CD300LF: variants seen among roughly 807,000 people sequenced by gnomAD.
The protein encoded by CD300LF is CD300 molecule like family member f, also known as CMRF35-like molecule 1.
CD300LF carries 27 observed loss-of-function variants against 32.2 expected under a neutral mutation model. The ratio of observed to expected loss-of-function variants is 0.84; its 90% CI spans 0.62 to 1.15. The LOEUF (loss-of-function observed/expected upper bound fraction) is 1.15. CD300LF is among the 50% of genes most tolerant of loss of function. CD300LF has a pLI of 0.00. For missense variants in CD300LF, 348 were observed against 356.8 expected, an observed-to-expected ratio of 0.98 and a Z score of 0.20; for synonymous variants, 139 against 143.2, an observed-to-expected ratio of 0.97 and a Z score of 0.21.
intron 3 of CD300LF, among the ~76,000 whole-genome samples, chr17:74,698,887 A>T (rs1302599317): frequency 6.6e-6 from 1 of 152,166 alleles, no homozygotes; most frequent in Non-Finnish European, 1.5e-5. Context: ...AAATTTAAGA[A>T]TTTTAACAAA....
At chr17:74,700,634 C>A (rs770212217) in intron 3 of CD300LF, among the ~76,000 whole-genome samples, 2 of 152,022 alleles carry the variant, frequency 1.3e-5, no homozygotes, top group Non-Finnish European at 2.9e-5. Context: ...CCTGGCTACT[C>A]CCAGCTGCTT....
chr17:74,700,797 T>A (rs528252193), intron 3 of CD300LF, among the ~76,000 whole-genome samples: 9 of 152,236 alleles, frequency 5.9e-5, no homozygotes, highest in Non-Finnish European at 1.0e-4. Context: ...TGGGCTGGAT[T>A]GTACACCACC....
rs1394110823 is a variant in CD300LF at position 74,701,381 on chromosome 17, T to C, written c.446+1654A>G. Among the ~76,000 whole-genome samples the C allele has an allele frequency of 5.9e-5, 9 of 152,196 alleles. No homozygotes were observed. The East Asian group carries it at 1.7e-3, about 29-fold the overall frequency. ...AGAGTGAGTGCTCAAGAGTTATGTG[T>C]TAAATAAATGAGTGAACAAACCATC... is the stretch of plus-strand genomic sequence containing the variant. On this transcript the variant is annotated intron_variant, in intron 3 of 6. Coordinates refer to ENST00000326165, the MANE Select transcript of CD300LF (RefSeq NM_139018.5).
At chr17:74,710,284 T>C (rs915509537) in intron 1 of CD300LF, among the ~76,000 whole-genome samples, 1 of 152,080 alleles carries the variant, frequency 6.6e-6, no homozygotes, top group African/African-American at 2.4e-5. Context: ...CTGGAAATTC[T>C]AATCAATATA....
intron 3 of CD300LF, among the ~76,000 whole-genome samples, chr17:74,700,729 G>A (rs575468118): frequency 1.3e-5 from 2 of 152,202 alleles, no homozygotes; most frequent in East Asian, 1.9e-4. Flanking sequence ...TCCAGCATGG[G>A]TGACAGAGCA....
In CD300LF at chr17:74,707,482, C is replaced by T. The variant is rs968659589; in HGVS notation, c.44-2666G>A. ...GTAATTCCAGCACTTTGGGAGGCCA[C>T]ATTGGGTGGATCATCTGAAGTCAGG... On this transcript the variant is annotated intron_variant, in intron 1 of 6. Coordinates refer to ENST00000326165, the MANE Select transcript of CD300LF (RefSeq NM_139018.5). Among the ~76,000 whole-genome samples, 3 of 152,146 alleles carry T rather than the reference C, an allele frequency of 2.0e-5. No homozygotes were observed. In the East Asian group the frequency reaches 5.8e-4, roughly 29 times the overall value.
chr17:74,711,773 A>T (rs2033979239), intron 1 of CD300LF, among the ~76,000 whole-genome samples: 1 of 151,724 alleles, frequency 6.6e-6, no homozygotes, highest in Admixed American at 6.6e-5. Context: ...AGCCCACCTG[A>T]CTTACAGCAT....
At chr17:74,711,485 C>T (rs759966277) in intron 1 of CD300LF, among the ~76,000 whole-genome samples, 3 of 152,226 alleles carry the variant, frequency 2.0e-5, no homozygotes, top group African/African-American at 7.2e-5. Context: ...GAGCCACTCC[C>T]TGCTCTTCCT....
chr17:74,712,197 T>C lies in CD300LF; in HGVS notation c.43+627A>G, dbSNP rs886988163. Reference sequence around the variant, plus strand: ...GATTACAGGAATGAGCCTCTTTCCCTGGCCTCCCTTCATTTTTAATAAAAA... The same window carrying C: ...GATTACAGGAATGAGCCTCTTTCCCCGGCCTCCCTTCATTTTTAATAAAAA... On this transcript the variant is annotated intron_variant, in intron 1 of 6. Transcript: ENST00000326165. Among the ~76,000 whole-genome samples the C allele has an allele frequency of 7.2e-5, 11 of 152,316 alleles. No homozygotes were observed. In the South Asian group the frequency reaches 2.1e-3, roughly 29 times the overall value.
At chr17:74,703,159 G>T in intron 2 of CD300LF, 61 bp from the exon 3 acceptor site, 1 of 1,606,230 alleles carries the variant, frequency 6.2e-7, no homozygotes, top group East Asian at 2.2e-5. Flanking sequence ...GTTGATGCTT[G>T]GTGTATAAAC....
chr17:74,702,055 TA>T (rs368199310), intron 3 of CD300LF, among the ~76,000 whole-genome samples: 21 of 146,304 alleles, frequency 1.4e-4, no homozygotes, highest in African/African-American at 3.3e-4. Flanking sequence ...AAGTTTAATT[TA>T]AAAAAAAAAC....
rs139873443 is a variant in CD300LF, at chr17:74,706,604, G to A, written c.44-1788C>T. ...AATCGCTTGAACCCGGGAGGCAGAG[G>A]TTGCAATGAGCCAAGATGGCGCCAT... On this transcript the variant is annotated intron_variant, in intron 1 of 6. Transcript: ENST00000326165. Among the ~76,000 whole-genome samples, 3 of 152,178 alleles carry A rather than the reference G, an allele frequency of 2.0e-5. No homozygotes were observed. In the East Asian group the frequency reaches 5.8e-4, roughly 29 times the overall value.
chr17:74,711,314 C>T (rs72847202), intron 1 of CD300LF, among the ~76,000 whole-genome samples: 9,110 of 152,172 alleles, frequency 0.06, 383 homozygotes, highest in East Asian at 0.15. Flanking sequence ...ACTCCCAACA[C>T]GACTCTCACA....
intron 1 of CD300LF, chr17:74,705,456 A>G: frequency 2.0e-6 from 1 of 506,838 alleles, no homozygotes; most frequent in Non-Finnish European, 3.6e-6. Flanking sequence ...AAATTTGTGG[A>G]TTTCCCATTC....
intron 3 of CD300LF, among the ~76,000 whole-genome samples, chr17:74,699,191 A>G (rs2032802302): frequency 6.6e-6 from 1 of 152,242 alleles, no homozygotes; most frequent in Admixed American, 6.5e-5. Context: ...TGCTGGGATT[A>G]CAGGCGTGAG....
chr17:74,708,720 T>C (rs1281379385), intron 1 of CD300LF, among the ~76,000 whole-genome samples: 2 of 151,996 alleles, frequency 1.3e-5, no homozygotes, highest in Non-Finnish European at 2.9e-5. Flanking sequence ...ATCGAGACCA[T>C]CCTGGCTAAC....
chr17:74,711,543 T>C (rs908078414), intron 1 of CD300LF, among the ~76,000 whole-genome samples: 8 of 152,192 alleles, frequency 5.3e-5, no homozygotes, highest in Non-Finnish European at 1.0e-4. Flanking sequence ...CCCAAGACCT[T>C]TTCTCCAATC....
At chr17:74,706,696 C>T (rs574864763) in intron 1 of CD300LF, among the ~76,000 whole-genome samples, 2 of 152,150 alleles carry the variant, frequency 1.3e-5, no homozygotes, top group South Asian at 4.2e-4. Flanking sequence ...AAACAAAAAC[C>T]AGCAGTTCAA....
intron 3 of CD300LF, among the ~76,000 whole-genome samples, chr17:74,699,862 C>G (rs2032875673): frequency 1.3e-5 from 2 of 152,128 alleles, no homozygotes; most frequent in South Asian, 4.2e-4. Flanking sequence ...TGCAACAGGC[C>G]AGGCACAGTG....
Sources: allele counts gnomAD v4.1 joint callset (sites outside exome capture counted in the v4.1 genomes callset), GRCh38; gene constraint gnomAD v4.1.1; transcripts MANE v1.5; gene names NCBI Gene and HGNC (gene_info 2026-07-23, HGNC 2026-07-21).